The following MESD variants were observed in gnomAD, a reference collection of about 807,000 sequenced individuals.
MESD encodes the protein LRP chaperone MESD.
MESD carries 7 observed loss-of-function variants against 12.9 expected under a neutral mutation model. The observed-to-expected ratio is 0.54, with a 90% CI of 0.31 to 1.02. The LOEUF (loss-of-function observed/expected upper bound fraction) is 1.02. MESD is among the 50% of genes least tolerant of loss of function. The pLI, the probability that MESD is intolerant of heterozygous loss-of-function variation, is 0.05. For missense variants in MESD, 342 were observed against 296.7 expected, an observed-to-expected ratio of 1.15 and a Z score of -1.12; for synonymous variants, 126 against 115.6, an observed-to-expected ratio of 1.09 and a Z score of -0.58.
rs958141399 is a variant in MESD at position 80,983,533 on chromosome 15, G to C, written c.214-1351C>G. ...GGGAAGAATGAGCCCTGTGGTATTA[G>C]GCTGGAATTGAAGGTATCAGGAGAA... is the stretch of plus-strand genomic sequence containing the variant. On this transcript the variant is annotated intron_variant, in intron 1 of 2. Coordinates refer to ENST00000261758, the MANE Select transcript of MESD (RefSeq NM_015154.3). Among the ~76,000 whole-genome samples, 11 of 152,292 alleles carry C rather than the reference G, an allele frequency of 7.2e-5. No individual in the cohort carries two copies. The East Asian group carries it at 1.9e-3, about 27-fold the overall frequency.
chr15:80,955,301 C>A (rs1359362727), intron 3 of MESD, among the ~76,000 whole-genome samples: 1 of 148,170 alleles, frequency 6.7e-6, no homozygotes, highest in Non-Finnish European at 1.5e-5. Context: ...CTAGCTAACA[C>A]GGTGAAACCC....
intron 1 of MESD, among the ~76,000 whole-genome samples, chr15:80,987,968 A>C (rs1486788264): frequency 6.6e-6 from 1 of 152,236 alleles, no homozygotes; most frequent in Non-Finnish European, 1.5e-5. Context: ...TATAAAAAAT[A>C]ATTTAAAAAA....
chr15:80,979,288 C>G lies in MESD; in HGVS notation c.636G>C (p.Lys212Asn), dbSNP rs1902507395. 3 of 1,614,044 alleles carry G rather than the reference C, an allele frequency of 1.9e-6. No individual in the cohort carries two copies. Among genetic ancestry groups the G allele is most frequent in the South Asian group, 2.2e-5 (2 of 91,078 alleles). ...AAGACCGAGATTTCAGATCTCCTTC[C>G]TTCTTTTTTTTGCCCTTGTCTTGCT... is the stretch of plus-strand genomic sequence containing the variant. ...KTKQDKGKKKKEGDLKSRSSK... is the reference protein window; with the variant it reads ...KTKQDKGKKKNEGDLKSRSSK... The change falls in exon 3 of 3, where the codon AAG becomes AAC. Residue 212 changes from lysine to asparagine, a missense_variant. Lys to Asn is a moderately conservative substitution (Grantham distance 94, BLOSUM62 0). Transcript: ENST00000261758.
intron 3 of MESD, among the ~76,000 whole-genome samples, chr15:80,964,444 T>C (rs1358818863): frequency 1.3e-5 from 2 of 152,202 alleles, no homozygotes; most frequent in Non-Finnish European, 2.9e-5. Context: ...CTGACTTTCT[T>C]CACAGAATTG....
rs145931381 is a variant in MESD at position 80,948,940 on chromosome 15, G to A, written c.*627-42C>T. The A allele has an allele frequency of 9.0e-4, 1,458 of 1,614,098 alleles. 7 individuals are homozygous for A. In the African/African-American group the frequency reaches 0.015, roughly 17 times the overall value. ...GAAGTTGTGAGGACAGCTGCCGCCC[G>A]GTGCCACCTCGTGGTAGACTATGAC... On this transcript the variant is annotated intron_variant, in intron 4 of 4. Transcript: ENST00000561312.
At chr15:80,967,197 C>G (rs1018766950) in intron 3 of MESD, among the ~76,000 whole-genome samples, 1 of 152,082 alleles carries the variant, frequency 6.6e-6, no homozygotes, top group Non-Finnish European at 1.5e-5. Context: ...GAGGCTGAGG[C>G]AGGAGAATCA....
At chr15:80,960,412 G>A in intron 3 of MESD, among the ~76,000 whole-genome samples, 1 of 147,926 alleles carries the variant, frequency 6.8e-6, no homozygotes, top group Non-Finnish European at 1.5e-5. Flanking sequence ...CTCTTTCCCA[G>A]TTTGTACCTT....
At chr15:80,975,362 G>A (rs934673885), downstream of MESD, among the ~76,000 whole-genome samples, 1 of 152,062 alleles carries the variant, frequency 6.6e-6, no homozygotes, top group Non-Finnish European at 1.5e-5. Context: ...TCTAGCCTGA[G>A]TGAGACAGCA....
chr15:80,980,297 T>C (rs1388019537), intron 2 of MESD, among the ~76,000 whole-genome samples: 1 of 152,262 alleles, frequency 6.6e-6, no homozygotes, highest in African/African-American at 2.4e-5. Context: ...TCATTGCTTT[T>C]ATATTTCCTA....
intron 1 of MESD, 56 bp downstream of exon 1, chr15:80,989,523 T>C (rs1893236634): frequency 2.6e-6 from 4 of 1,565,948 alleles, no homozygotes; most frequent in South Asian, 2.3e-5. Flanking sequence ...TAAGGGGTCA[T>C]AGGGAACAGG....
intron 1 of MESD, among the ~76,000 whole-genome samples, chr15:80,986,572 C>T (rs1902738969): frequency 6.6e-6 from 1 of 151,936 alleles, no homozygotes; most frequent in South Asian, 2.1e-4. Flanking sequence ...AAAATAGTAC[C>T]CTAGATGTAC....
At chr15:80,959,993 A>G (rs1902057086) in intron 3 of MESD, among the ~76,000 whole-genome samples, 1 of 152,174 alleles carries the variant, frequency 6.6e-6, no homozygotes, top group Non-Finnish European at 1.5e-5. Context: ...ATTCCTGTCT[A>G]TTTAACAATT....
chr15:80,972,701 G>A (rs1902314656), downstream of MESD, among the ~76,000 whole-genome samples: 1 of 152,220 alleles, frequency 6.6e-6, no homozygotes, highest in Non-Finnish European at 1.5e-5. Flanking sequence ...CTAAAACGCT[G>A]AACGCAGAGA....
intron 3 of MESD, among the ~76,000 whole-genome samples, chr15:80,969,251 TCA>T (rs955934765): frequency 1.3e-5 from 2 of 152,130 alleles, no homozygotes; most frequent in African/African-American, 4.8e-5. Flanking sequence ...GGGTAGCATG[TCA>T]CAGTTAGGTA....
chr15:80,950,739 C>T (rs1901781588), intron 4 of MESD: 1 of 152,782 alleles, frequency 6.5e-6, no homozygotes, highest in Non-Finnish European at 1.5e-5. Flanking sequence ...CCCTGGCCCA[C>T]CTTATAGAGA....
rs536381762 is a variant in MESD at position 80,982,123 on chromosome 15, G to A, written c.273C>T (p.Val91=). The change falls in exon 2 of 3, where the codon GTC becomes GTT. Residue 91 remains valine, a synonymous_variant. Transcript: ENST00000261758. ...LPEHKRPSAP[V]DFSKIDPSKP... ...TGCTTGGGTCTATCTTTGAGAAGTC[G>A]ACAGGTGCTGAAGGTCTCTTGTGCT... The A allele has an allele frequency of 6.8e-6, 11 of 1,613,950 alleles. No homozygotes were observed. The highest frequency in any genetic ancestry group is 6.6e-5 in the South Asian group (6 of 91,050).
chr15:80,973,190 G>A (rs758016603), downstream of MESD, among the ~76,000 whole-genome samples: 1 of 152,138 alleles, frequency 6.6e-6, no homozygotes, highest in Non-Finnish European at 1.5e-5. Context: ...TTGGATAGCT[G>A]GGACGGTGTG....
chr15:80,948,950 C>T lies in MESD; in HGVS notation c.*627-52G>A, dbSNP rs769328259. The T allele has an allele frequency of 6.7e-5, 108 of 1,613,818 alleles. 1 individual carries two copies. The highest frequency in any genetic ancestry group is 8.5e-5 in the Non-Finnish European group (100 of 1,179,868). ...GGACAGCTGCCGCCCGGTGCCACCT[C>T]GTGGTAGACTATGACGGTGACTCTT... On this transcript the variant is annotated intron_variant, in intron 4 of 4. Coordinates refer to the MESD transcript ENST00000561312.
At chr15:80,961,603 T>C (rs1369378765) in intron 3 of MESD, among the ~76,000 whole-genome samples, 1 of 152,230 alleles carries the variant, frequency 6.6e-6, no homozygotes, top group African/African-American at 2.4e-5. Flanking sequence ...TCCAAAATTC[T>C]GTCAAAGAAT....
Sources: allele counts gnomAD v4.1 joint callset (sites outside exome capture counted in the v4.1 genomes callset), GRCh38; gene constraint gnomAD v4.1.1; transcripts MANE v1.5; gene names NCBI Gene and HGNC (gene_info 2026-07-23, HGNC 2026-07-21).